The following IL6ST variants were observed in gnomAD, a reference collection of about 807,000 sequenced individuals.
IL6ST encodes interleukin-6 receptor subunit beta.
Under a neutral mutation model 91.3 loss-of-function variants are expected in IL6ST, and 24 were observed. The observed-to-expected ratio is 0.26, with a 90% confidence interval of 0.19 to 0.37. The LOEUF (loss-of-function observed/expected upper bound fraction) is 0.37, where lower values mean the gene tolerates loss of function less well. IL6ST is among the 10% of genes least tolerant of loss of function. The pLI, the probability that IL6ST is intolerant of heterozygous loss-of-function variation, is 1.00. For missense variants in IL6ST, 914 were observed against 1,078.5 expected, an observed-to-expected ratio of 0.85 and a Z score of 2.14; for synonymous variants, 351 against 373.6, an observed-to-expected ratio of 0.94 and a Z score of 0.70.
In IL6ST at chr5:55,954,880, TAAC is replaced by T; in HGVS notation, c.1377_1379del (p.Leu460del). The T allele has an allele frequency of 6.8e-6, 11 of 1,613,634 alleles. No individual in the cohort carries two copies. Among genetic ancestry groups the T allele is most frequent in the Non-Finnish European group, 9.3e-6 (11 of 1,179,608 alleles). ...CTGTGATACAGGGTGCTTTATCTGATAACACACACCACTCAAGTATATATTTCT... is the reference window on the plus strand; with the variant it reads ...CTGTGATACAGGGTGCTTTATCTGATACACACCACTCAAGTATATATTTCT... On this transcript the variant is annotated inframe_deletion, in exon 11 of 17. Coordinates refer to ENST00000381298, the MANE Select transcript of IL6ST (RefSeq NM_002184.4).
chr5:55,980,046 G>T (rs1753556285), intron 2 of IL6ST, among the ~76,000 whole-genome samples: 1 of 152,068 alleles, frequency 6.6e-6, no homozygotes, highest in South Asian at 2.1e-4. Flanking sequence ...TTATTTGTGG[G>T]CAAAACAATA....
rs1466720788 is a variant in IL6ST at position 55,938,815 on chromosome 5, T to C, written c.*2267A>G. On this transcript the variant is annotated 3_prime_UTR_variant, in exon 17 of 17. Transcript: ENST00000381298. The stretch of plus-strand genomic sequence containing the variant: ...CATTACATATTAGTGCTCAAATATA[T>C]GTTCATTTCCAGAATGAATTTTTGC... 9.9e-6 allele frequency: 2 copies of C among 202,470 alleles called. No individual in the cohort carries two copies. Among genetic ancestry groups the C allele is most frequent in the African/African-American group, 4.6e-5 (2 of 43,594 alleles). The allele number at this position is 202,470 out of a possible 1,614,324, so 12.5% of individuals were successfully genotyped here. A position where few individuals can be genotyped will look rare whatever the true frequency, so the allele number is the denominator to read the frequency against.
At chr5:55,968,511 G>C in intron 4 of IL6ST, 115 bp from the exon 5 acceptor site, 1 of 921,764 alleles carries the variant, frequency 1.1e-6, no homozygotes, top group Non-Finnish European at 1.6e-6. Context: ...TCAAACCCAA[G>C]CAAAAAGTAT....
chr5:55,952,788 G>A (rs111359100), intron 11 of IL6ST, among the ~76,000 whole-genome samples: 5,051 of 152,220 alleles, frequency 0.033, 284 homozygotes, highest in African/African-American at 0.11. Flanking sequence ...TCGGCCAGGC[G>A]CTGTGGCTCA....
At chr5:55,984,081 T>A (rs1387949655) in intron 1 of IL6ST, among the ~76,000 whole-genome samples, 1 of 152,018 alleles carries the variant, frequency 6.6e-6, no homozygotes, top group Non-Finnish European at 1.5e-5. Context: ...GGCCAGATAA[T>A]AAATATTTTA....
Position 55,963,239 on chromosome 5 carries a change from C to G in IL6ST, c.813+113G>C, listed in dbSNP as rs578101630. The G allele has an allele frequency of 4.0e-6, 3 of 746,046 alleles. No homozygotes were observed. The South Asian group carries it at 6.4e-5, about 16-fold the overall frequency. The allele number at this position is 746,046 out of a possible 1,614,324, so 46.2% of individuals were successfully genotyped here. The stretch of plus-strand genomic sequence containing the variant: ...TAACAACCCAGAAGAGGTTATCAAG[C>G]AAAATATTTCACATAACCAGAAACT... On this transcript the variant is annotated intron_variant, in intron 7 of 16. Coordinates refer to ENST00000381298, the MANE Select transcript of IL6ST (RefSeq NM_002184.4).
rs765890902 is a variant in IL6ST, at chr5:55,947,501, C to T, written c.1929G>A (p.Lys643=). ...TLLGVLFCFN[K]RDLIKKHIWP... is the part of the protein sequence containing the mutation. Reference sequence around the variant, plus strand: ...TGAATAAAGTTACTTACAGGTCTCGCTTATTAAAGCAGAACAGCACTCCCA... The same window carrying T: ...TGAATAAAGTTACTTACAGGTCTCGTTTATTAAAGCAGAACAGCACTCCCA... The change falls in exon 15 of 17, where the codon AAG becomes AAA. Residue 643 remains lysine, a synonymous_variant. Transcript: ENST00000381298. The T allele has an allele frequency of 1.9e-6, 3 of 1,551,040 alleles. No individual in the cohort carries two copies. The highest frequency in any genetic ancestry group is 1.9e-5 in the Admixed American group (1 of 53,360).
At chr5:55,955,032 A>G in intron 10 of IL6ST, 40 bp from the exon 11 acceptor site, 2 of 1,345,516 alleles carry the variant, frequency 1.5e-6, no homozygotes, top group Non-Finnish European at 2.1e-6. Context: ...ATAAATATTA[A>G]CAAATTTGAA....
rs1233541794 is a variant in IL6ST at position 55,956,206 on chromosome 5, T to G, written c.1086A>C (p.Lys362Asn). The G allele has an allele frequency of 1.2e-6, 2 of 1,608,730 alleles. No homozygotes were observed. The highest frequency in any genetic ancestry group is 8.5e-7 in the Non-Finnish European group (1 of 1,175,358). Residue 362 changes from lysine (K) to asparagine (N), a missense_variant, in exon 10 of 17, where the codon AAA (lysine) becomes AAC (asparagine). Physicochemically the swap from Lys to Asn is moderately conservative, Grantham distance 94. Coordinates refer to ENST00000381298, the MANE Select transcript of IL6ST (RefSeq NM_002184.4). ...TGAGAGTCACTTCATAATCCAAGAT[T>G]TTTCCATTGGCTTCAAAAGGAGGCA... ...KTLPPFEANG[K>N]ILDYEVTLTR...
chr5:55,969,435 T>A, intron 4 of IL6ST, 115 bp downstream of exon 4: 1 of 675,666 alleles, frequency 1.5e-6, no homozygotes, highest in Non-Finnish European at 2.4e-6. Flanking sequence ...AAACCAAACA[T>A]GTCCAAGTCA....
chr5:55,976,270 C>T lies in IL6ST; in HGVS notation c.9G>A (p.Thr3=), dbSNP rs758999194. The T allele has an allele frequency of 3.7e-5, 59 of 1,584,196 alleles. No homozygotes were observed. Among genetic ancestry groups the T allele is most frequent in the South Asian group, 2.8e-4 (24 of 86,326 alleles). ...AGGCTTGCACTAGCCAAGTCTGCAACGTCAACATCTTGCGCGGATATTTCT... is the reference window on the plus strand; with the variant it reads ...AGGCTTGCACTAGCCAAGTCTGCAATGTCAACATCTTGCGCGGATATTTCT... ML[T]LQTWLVQALF... is the part of the protein sequence containing the mutation. The change falls in exon 3 of 17, where the codon ACG becomes ACA. Residue 3 remains threonine (T), a synonymous_variant. Coordinates refer to ENST00000381298, the MANE Select transcript of IL6ST (RefSeq NM_002184.4).
intron 1 of IL6ST, 27 bp from the exon 2 acceptor site, chr5:55,982,838 G>A: frequency 2.5e-6 from 1 of 398,130 alleles, no homozygotes; most frequent in Non-Finnish European, 4.4e-6. Context: ...GTCTTGTTCA[G>A]AAGGCTGGCT....
chr5:55,988,634 C>T (rs1251912828), intron 1 of IL6ST, among the ~76,000 whole-genome samples: 3 of 151,524 alleles, frequency 2.0e-5, no homozygotes, highest in Non-Finnish European at 2.9e-5. Flanking sequence ...GGAGTGGTGG[C>T]GCACACCTGT....
Position 55,976,373 on chromosome 5 carries a change from T to C in IL6ST, c.-15-80A>G, listed in dbSNP as rs1016424715. Reference sequence around the variant, plus strand: ...AATTTAAGACACAATCTTGTTTCCATGCTGTAGCTGTGTTTCTAAAAGGTG... The same window carrying C: ...AATTTAAGACACAATCTTGTTTCCACGCTGTAGCTGTGTTTCTAAAAGGTG... On this transcript the variant is annotated intron_variant, in intron 2 of 16. Transcript: ENST00000381298. 9.1e-6 allele frequency: 6 copies of C among 661,314 alleles called. No homozygotes were observed. The African/African-American group carries it at 9.4e-5, about 10-fold the overall frequency. 41.0% of individuals were successfully genotyped at this position (661,314 alleles called of 1,614,324 possible).
At position 55,954,832 on chromosome 5, in the gene IL6ST, G is replaced by T; in HGVS notation, c.1428C>A (p.Thr476=). 1 of 1,610,832 alleles carries T rather than the reference G, an allele frequency of 6.2e-7. No homozygotes were observed. The highest frequency in any genetic ancestry group is 8.5e-7 in the Non-Finnish European group (1 of 1,178,692). The stretch of plus-strand genomic sequence containing the variant: ...TACCTCTTAAATAGGTGCGATGCAC[G>T]GTACCATCTTCTTGTTGCCAGTCTG... The part of the protein sequence containing the change: ...CITDWQQEDG[T]VHRTYLRGNL... Residue 476 remains threonine (T), a synonymous_variant, in exon 11 of 17, where the codon ACC becomes ACA. Coordinates refer to ENST00000381298, the MANE Select transcript of IL6ST (RefSeq NM_002184.4).
chr5:55,946,504 T>C (rs1751257705), intron 15 of IL6ST, among the ~76,000 whole-genome samples: 1 of 152,148 alleles, frequency 6.6e-6, no homozygotes, highest in South Asian at 2.1e-4. Flanking sequence ...TACTACAGAA[T>C]ACTGTTCAGC....
chr5:55,958,902 GCAAAACAGAAAGGATAGGACAGGCAGAC>G (rs1453115540), intron 8 of IL6ST, among the ~76,000 whole-genome samples: 12 of 151,274 alleles, frequency 7.9e-5, no homozygotes, highest in Admixed American at 7.2e-4. Context: ...ATTACAGACA[GCAAAACAGAAAGGATAGGACAGGCAGAC>G]CAGGAAGGCT....
intron 1 of IL6ST, among the ~76,000 whole-genome samples, chr5:55,992,055 A>G (rs1473271844): frequency 6.6e-6 from 1 of 152,100 alleles, no homozygotes; most frequent in Non-Finnish European, 1.5e-5. Flanking sequence ...ATATTATTCC[A>G]ATGTCTTTCC....
chr5:55,989,683 G>A (rs957979262), intron 1 of IL6ST, among the ~76,000 whole-genome samples: 2 of 152,072 alleles, frequency 1.3e-5, no homozygotes, highest in Non-Finnish European at 2.9e-5. Flanking sequence ...AATAGTTCTT[G>A]CCTTTAAGAA....
Sources: gnomAD v4.1 joint callset for allele counts (sites outside exome capture counted in the v4.1 genomes callset) on GRCh38, gnomAD v4.1.1 for gene constraint, MANE v1.5 for transcripts, NCBI Gene and HGNC (gene_info 2026-07-23, HGNC 2026-07-21) for gene names.